The following DPYS variants were observed in gnomAD, a reference collection of about 807,000 sequenced individuals.
The protein encoded by DPYS is dihydropyrimidine amidohydrolase.
Under a neutral mutation model 50.3 loss-of-function variants are expected in DPYS, and 39 were observed. That is an observed-to-expected ratio of 0.78 (90% confidence interval 0.60 to 1.01). The LOEUF (loss-of-function observed/expected upper bound fraction) is 1.01. Ranked by LOEUF, DPYS falls within the 50% of genes least tolerant of loss-of-function variation. DPYS has a pLI of 0.00. For synonymous variants in DPYS, 245 were observed against 250.7 expected, an observed-to-expected ratio of 0.98 and a Z score of 0.22; for missense variants, 659 against 680.9, an observed-to-expected ratio of 0.97 and a Z score of 0.36.
At chr8:104,394,220 C>T (rs1811502872) in intron 7 of DPYS, among the ~76,000 whole-genome samples, 1 of 152,134 alleles carries the variant, frequency 6.6e-6, no homozygotes, top group Admixed American at 6.5e-5. Flanking sequence ...GTTCCCCCAG[C>T]CTTATTTGGA....
intron 4 of DPYS, 57 bp from the exon 5 acceptor site, chr8:104,429,758 T>C: frequency 1.2e-6 from 2 of 1,601,426 alleles, no homozygotes; most frequent in Admixed American, 1.7e-5. Flanking sequence ...GAGGACCATA[T>C]GACAAACACA....
chr8:104,444,413 C>T lies in DPYS; in HGVS notation c.628G>A (p.Gly210Arg). The T allele has an allele frequency of 1.2e-6, 2 of 1,614,220 alleles. No individual in the cohort carries two copies. Among genetic ancestry groups the T allele is most frequent in the Non-Finnish European group, 1.7e-6 (2 of 1,180,042 alleles). Residue 210 changes from glycine (G) to arginine (R), a missense_variant, in exon 4 of 10, where the codon GGG becomes AGG. By Grantham distance (125) the Gly-to-Arg change is moderately radical. Coordinates refer to ENST00000351513, the MANE Select transcript of DPYS (RefSeq NM_001385.3). ...TCGTGGCCCTCAGGGCCTGTTATCC[C>T]CAGAGCCAACATCTTCTTTGCTCCC... is the stretch of plus-strand genomic sequence containing the variant. Reference protein sequence around the residue: ...AEGAKKMLALGITGPEGHELC... With the variant: ...AEGAKKMLALRITGPEGHELC...
chr8:104,425,066 G>A (rs1385140076), intron 6 of DPYS, among the ~76,000 whole-genome samples: 1 of 151,880 alleles, frequency 6.6e-6, no homozygotes, highest in Non-Finnish European at 1.5e-5. Flanking sequence ...CTGACCTCAG[G>A]TGATCCACCC....
chr8:104,390,301 C>A (rs1811347436), intron 8 of DPYS, among the ~76,000 whole-genome samples: 1 of 152,126 alleles, frequency 6.6e-6, no homozygotes, highest in Non-Finnish European at 1.5e-5. Context: ...CCTTGAGAGA[C>A]TTTACAAAAC....
Position 104,438,438 on chromosome 8 carries a change from A to G in DPYS, c.793+5810T>C, listed in dbSNP as rs181247003. Among the ~76,000 whole-genome samples, 199 of 152,306 alleles carry G rather than the reference A, an allele frequency of 1.3e-3. 1 individual carries two copies. Among genetic ancestry groups the G allele is most frequent in the Non-Finnish European group, 2.1e-3 (146 of 68,014 alleles). ...TGGTCTAAATATGTAGCAAACTAAAATAAGGCATGCTTTTGAGTCCTACTG... is the reference window on the plus strand; with the variant it reads ...TGGTCTAAATATGTAGCAAACTAAAGTAAGGCATGCTTTTGAGTCCTACTG... On this transcript the variant is annotated intron_variant, in intron 4 of 9. Coordinates refer to ENST00000351513, the MANE Select transcript of DPYS (RefSeq NM_001385.3).
At chr8:104,401,884 C>T (rs1277488729) in intron 7 of DPYS, among the ~76,000 whole-genome samples, 1 of 152,198 alleles carries the variant, frequency 6.6e-6, no homozygotes, top group Non-Finnish European at 1.5e-5. Context: ...CAATCTTCCA[C>T]CCTCTATTGA....
intron 4 of DPYS, among the ~76,000 whole-genome samples, chr8:104,435,634 G>T (rs866948972): frequency 3.9e-5 from 6 of 152,004 alleles, no homozygotes; most frequent in Middle Eastern, 3.2e-3. Context: ...TGATGGCTTG[G>T]ACTTGAAAGT....
At chr8:104,419,826 G>A (rs1168552966) in intron 7 of DPYS, 3 of 152,114 alleles carry the variant, frequency 2.0e-5, no homozygotes, top group Non-Finnish European at 4.4e-5. Context: ...TTAAATCCCG[G>A]AAGGGAAAAA....
rs749961319 is a variant in DPYS, at chr8:104,424,440, C to T, written c.1093-51G>A. On this transcript the variant is annotated intron_variant, in intron 6 of 9. Transcript: ENST00000351513. ...CTAATGATCAAATACTAAAAAGTATCCTATCGATAAAATGACAAGACTTGC... is the reference window on the plus strand; with the variant it reads ...CTAATGATCAAATACTAAAAAGTATTCTATCGATAAAATGACAAGACTTGC... 3 of 1,585,172 alleles carry T rather than the reference C, an allele frequency of 1.9e-6. No homozygotes were observed. In the East Asian group the frequency reaches 6.7e-5, roughly 36 times the overall value.
intron 3 of DPYS, among the ~76,000 whole-genome samples, chr8:104,446,633 G>A (rs1405027966): frequency 6.6e-6 from 1 of 152,022 alleles, no homozygotes; most frequent in African/African-American, 2.4e-5. Flanking sequence ...GTTTTGTTTT[G>A]TTTTTACAGC....
chr8:104,466,738 G>A lies in DPYS; in HGVS notation c.183C>T (p.Pro61=). 6.5e-7 allele frequency: 1 copy of A among 1,535,790 alleles called. No homozygotes were observed. The change falls in exon 1 of 10, where the codon CCC becomes CCT. Residue 61 remains proline, a synonymous_variant. Coordinates refer to ENST00000351513, the MANE Select transcript of DPYS (RefSeq NM_001385.3). ...TGTGCGTGTGTGTGTCGATGCCTCC[G>A]GGCAGGACGAGCTTGCCGGCGGCGT... is the stretch of plus-strand genomic sequence containing the variant. The part of the protein sequence containing the change: ...VLDAAGKLVL[P]GGIDTHTHMQ...
At chr8:104,425,377 A>G (rs189693296) in intron 6 of DPYS, among the ~76,000 whole-genome samples, 1 of 152,080 alleles carries the variant, frequency 6.6e-6, no homozygotes, top group African/African-American at 2.4e-5. Context: ...GTGCGAAAGC[A>G]ATCTGTTTTG....
rs1811075698 is a variant in DPYS, at chr8:104,382,229, G to C, written c.1444-915C>G. ...CAGAACAAGGCCCACAGCTCCTGCA[G>C]CCACAGAACTTGAAGCACTGCATCG... On this transcript the variant is annotated intron_variant, in intron 8 of 9. Coordinates refer to ENST00000351513, the MANE Select transcript of DPYS (RefSeq NM_001385.3). Among the ~76,000 whole-genome samples the C allele has an allele frequency of 3.3e-5, 5 of 152,290 alleles. No homozygotes were observed. In the South Asian group the frequency reaches 1.0e-3, roughly 32 times the overall value.
At chr8:104,460,313 C>T (rs1461786563) in intron 1 of DPYS, among the ~76,000 whole-genome samples, 1 of 152,064 alleles carries the variant, frequency 6.6e-6, no homozygotes, top group Non-Finnish European at 1.5e-5. Flanking sequence ...TCCCCCTTGT[C>T]GATCTCATGA....
At position 104,440,105 on chromosome 8, in the gene DPYS, C is replaced by T. The variant is rs1813294635; in HGVS notation, c.793+4143G>A. The stretch of plus-strand genomic sequence containing the variant: ...TGATAAGATAAAAATATAGTAAAAC[C>T]TGAAATAAGATAAAAGAGATTAAAA... On this transcript the variant is annotated intron_variant, in intron 4 of 9. Transcript: ENST00000351513. Among the ~76,000 whole-genome samples, 3 of 151,962 alleles carry T rather than the reference C, an allele frequency of 2.0e-5. No homozygotes were observed. In the South Asian group the frequency reaches 6.2e-4, roughly 32 times the overall value.
At chr8:104,418,259 T>TA (rs1296602632) in intron 7 of DPYS, among the ~76,000 whole-genome samples, 3 of 152,132 alleles carry the variant, frequency 2.0e-5, no homozygotes, top group African/African-American at 4.8e-5. Flanking sequence ...TCCTGTTAGA[T>TA]ACTAACAAGA....
chr8:104,419,012 ATCTC>A (rs1812464502), intron 7 of DPYS: 11 of 985,442 alleles, frequency 1.1e-5, no homozygotes, highest in South Asian at 4.7e-5. Flanking sequence ...GCTTCATTTC[ATCTC>A]TCTAAGAGCT....
intron 7 of DPYS, 38 bp from the exon 8 acceptor site, chr8:104,393,029 C>T (rs1308504569): frequency 2.6e-6 from 4 of 1,565,606 alleles, no homozygotes; most frequent in Middle Eastern, 3.3e-4. Context: ...TCTGGATCAT[C>T]ACCAGCTCAC....
intron 1 of DPYS, among the ~76,000 whole-genome samples, chr8:104,463,743 T>C (rs1588467259): frequency 6.6e-6 from 1 of 152,216 alleles, no homozygotes; most frequent in Non-Finnish European, 1.5e-5. Flanking sequence ...GTTTAACATA[T>C]CATACAACCA....
Sources: gnomAD v4.1 joint callset for allele counts (sites outside exome capture counted in the v4.1 genomes callset) on GRCh38, gnomAD v4.1.1 for gene constraint, MANE v1.5 for transcripts, NCBI Gene and HGNC (gene_info 2026-07-23, HGNC 2026-07-21) for gene names.